MEP1A: variants seen among roughly 807,000 people sequenced by gnomAD.
MEP1A encodes the protein N-benzoyl-L-tyrosyl-P-amino-benzoic acid hydrolase subunit alpha.
In MEP1A, 68 loss-of-function variants were observed where a neutral mutation model predicts 84.5. The ratio of observed to expected loss-of-function variants is 0.80; its 90% confidence interval spans 0.66 to 0.98. The LOEUF (loss-of-function observed/expected upper bound fraction) is 0.98. Ranked by LOEUF, MEP1A falls within the 50% of genes least tolerant of loss-of-function variation. The pLI, the probability that MEP1A is intolerant of heterozygous loss-of-function variation, is 0.00. For synonymous variants in MEP1A, 337 were observed against 336.8 expected (o/e 1.00, Z -0.01); for missense variants, 887 against 919.9 (o/e 0.96, Z 0.46).
intron 5 of MEP1A, among the ~76,000 whole-genome samples, chr6:46,807,782 A>AGAAAGAAAGAAG (rs1491123306): frequency 2.3e-5 from 2 of 86,806 alleles, no homozygotes; most frequent in Non-Finnish European, 5.4e-5. Context: ...AAAGAAAGAA[A>AGAAAGAAAGAAG]GAAAGAAAGA....
chr6:46,796,335 T>G (rs1240529695), intron 3 of MEP1A, among the ~76,000 whole-genome samples: 1 of 152,126 alleles, frequency 6.6e-6, no homozygotes, highest in African/African-American at 2.4e-5. Flanking sequence ...CCTCCCCTAC[T>G]CTTCCTTCAT....
In MEP1A at chr6:46,825,327, A is replaced by G; in HGVS notation, c.612A>G (p.Thr204=). 6.2e-7 allele frequency: 1 copy of G among 1,613,666 alleles called. No homozygotes were observed. Among genetic ancestry groups the G allele is most frequent in the Non-Finnish European group, 8.5e-7 (1 of 1,179,852 alleles). The change falls in exon 8 of 14, where the codon ACA becomes ACG. Residue 204 remains threonine, a synonymous_variant. Transcript: ENST00000230588. ...YDDSLITDLN[T]PYDYESLMHY... Reference sequence around the variant, plus strand: ...ATAGCTTAATCACAGACCTCAATACACCCTATGATTATGAGTCTTTGATGC... The same window carrying G: ...ATAGCTTAATCACAGACCTCAATACGCCCTATGATTATGAGTCTTTGATGC...
At chr6:46,834,172 T>G (rs548785957) in intron 11 of MEP1A, among the ~76,000 whole-genome samples, 1 of 151,942 alleles carries the variant, frequency 6.6e-6, no homozygotes, top group South Asian at 2.1e-4. Context: ...ATCCACCCGC[T>G]TTGGCCTCCC....
At chr6:46,800,569 C>A (rs915941908) in intron 5 of MEP1A, among the ~76,000 whole-genome samples, 14 of 152,192 alleles carry the variant, frequency 9.2e-5, no homozygotes, top group African/African-American at 3.4e-4. Flanking sequence ...AGCAGTATTT[C>A]TCAAGCAATA....
chr6:46,830,241 T>C, intron 10 of MEP1A, among the ~76,000 whole-genome samples: 2 of 72,640 alleles, frequency 2.8e-5, no homozygotes, highest in African/African-American at 6.2e-5. Context: ...AGAGCAAGAC[T>C]CCATCTAAAA....
At chr6:46,820,816 A>G (rs1767754770) in intron 7 of MEP1A, among the ~76,000 whole-genome samples, 2 of 152,130 alleles carry the variant, frequency 1.3e-5, no homozygotes, top group African/African-American at 4.8e-5. Flanking sequence ...GAAGATACCT[A>G]GTTTTTAAGA....
chr6:46,834,469 A>G (rs1248148503), intron 11 of MEP1A, 109 bp from the exon 12 acceptor site: 1 of 157,868 alleles, frequency 6.3e-6, no homozygotes, highest in African/African-American at 3.3e-5. Flanking sequence ...TTATTTATTT[A>G]TTTATTTATT....
chr6:46,803,681 T>C (rs1344716256), intron 5 of MEP1A, among the ~76,000 whole-genome samples: 1 of 151,612 alleles, frequency 6.6e-6, no homozygotes, highest in Non-Finnish European at 1.5e-5. Context: ...ATATCACTTA[T>C]TTTAAACCTT....
chr6:46,827,676 G>T (rs1226940035), intron 9 of MEP1A, among the ~76,000 whole-genome samples: 3 of 152,142 alleles, frequency 2.0e-5, no homozygotes, highest in African/African-American at 7.2e-5. Context: ...TTGGAAGAGG[G>T]TAAAAGCTTC....
In MEP1A at chr6:46,809,464, C is replaced by T. The variant is rs747652615; in HGVS notation, c.307C>T (p.Arg103Cys). The T allele has an allele frequency of 9.9e-6, 16 of 1,609,166 alleles. No homozygotes were observed. Among genetic ancestry groups the T allele is most frequent in the South Asian group, 6.7e-5 (6 of 90,220 alleles). Reference protein sequence around the residue: ...GAILYAFEMFRLKSCVDFKPY... With the variant: ...GAILYAFEMFCLKSCVDFKPY... ...CATTCTGTATGCCTTTGAGATGTTC[C>T]GTCTCAAGTCCTGTGTGGATTTCAA... is the stretch of plus-strand genomic sequence containing the variant. The change falls in exon 6 of 14, where the codon CGT becomes TGT. Residue 103 changes from arginine (R) to cysteine (C), a missense_variant. Arg to Cys is a radical substitution (Grantham distance 180). Transcript: ENST00000230588.
At chr6:46,834,215 G>A (rs1435121630) in intron 11 of MEP1A, among the ~76,000 whole-genome samples, 1 of 150,906 alleles carries the variant, frequency 6.6e-6, no homozygotes, top group Non-Finnish European at 1.5e-5. Flanking sequence ...GAGCCACCAC[G>A]CCTGGCACTA....
At chr6:46,844,269 T>G (rs554987603), downstream of MEP1A, among the ~76,000 whole-genome samples, 5 of 152,176 alleles carry the variant, frequency 3.3e-5, no homozygotes, top group Admixed American at 6.5e-5. Context: ...GCCAGTGACC[T>G]CTAATGAGTA....
At chr6:46,834,162 A>G (rs1162370220) in intron 11 of MEP1A, among the ~76,000 whole-genome samples, 1 of 151,776 alleles carries the variant, frequency 6.6e-6, no homozygotes, top group East Asian at 1.9e-4. Context: ...AGCTCAGGCA[A>G]TCCACCCGCT....
At chr6:46,804,466 CT>C (rs1253890879) in intron 5 of MEP1A, among the ~76,000 whole-genome samples, 1 of 151,342 alleles carries the variant, frequency 6.6e-6, no homozygotes, top group Non-Finnish European at 1.5e-5. Flanking sequence ...GTTTTATTTG[CT>C]TTATTTCGTC....
chr6:46,833,383 CT>C lies in MEP1A; in HGVS notation c.1458del (p.His487MetfsTer15). The C allele has an allele frequency of 6.2e-7, 1 of 1,614,178 alleles. No homozygotes were observed. The highest frequency in any genetic ancestry group is 8.5e-7 in the Non-Finnish European group (1 of 1,180,034). On this transcript the variant is annotated frameshift_variant, in exon 11 of 14. Transcript: ENST00000230588. LOFTEE classifies it high-confidence loss of function. ...GAAAGCTCTGGTTACTTGAGACTTG[CT>C]TTTCATGTGTGCAGTGGGGAGAACG... Reference protein sequence around the residue: ...SRESSGYLRLAFHVCSGENDA... With the variant: ...SRESSGYLRLXFHVCSGENDA...
chr6:46,797,040 A>G (rs546652945), intron 3 of MEP1A, among the ~76,000 whole-genome samples: 41 of 152,370 alleles, frequency 2.7e-4, no homozygotes, highest in African/African-American at 9.6e-4. Flanking sequence ...AAATGTGTGC[A>G]TGAGGAAGGG....
At position 46,802,194 on chromosome 6, in the gene MEP1A, A is replaced by G. The variant is rs1767210272; in HGVS notation, c.262+3013A>G. 2.6e-5 allele frequency among the ~76,000 whole-genome samples: 4 copies of G among 151,936 alleles called. No individual in the cohort carries two copies. The South Asian group carries it at 8.3e-4, about 31-fold the overall frequency. ...GAAAACTAATTTCTTAAAAATATTGAGTCCTATAATCCATAAACATGGTAC... is the reference window on the plus strand; with the variant it reads ...GAAAACTAATTTCTTAAAAATATTGGGTCCTATAATCCATAAACATGGTAC... On this transcript the variant is annotated intron_variant, in intron 5 of 13. Transcript: ENST00000230588.
At chr6:46,824,130 T>C (rs1335212812) in intron 7 of MEP1A, among the ~76,000 whole-genome samples, 2 of 152,154 alleles carry the variant, frequency 1.3e-5, no homozygotes, top group Admixed American at 1.3e-4. Context: ...TACTTGGCTG[T>C]TAGAACGATG....
chr6:46,812,036 A>C (rs1173945903), intron 6 of MEP1A, among the ~76,000 whole-genome samples: 1 of 152,078 alleles, frequency 6.6e-6, no homozygotes, highest in Non-Finnish European at 1.5e-5. Context: ...GAATAGTGTC[A>C]CTAGGATTGG....
Sources: gnomAD v4.1 joint callset for allele counts (sites outside exome capture counted in the v4.1 genomes callset) on GRCh38, gnomAD v4.1.1 for gene constraint, MANE v1.5 for transcripts, NCBI Gene and HGNC (gene_info 2026-07-23, HGNC 2026-07-21) for gene names.